The following ACSBG1 variants were observed in gnomAD, a reference collection of about 807,000 sequenced individuals.
ACSBG1 encodes acyl-CoA synthetase bubblegum family member 1, also known as long-chain-fatty-acid--CoA ligase ACSBG1.
Under a neutral mutation model 80.2 loss-of-function variants are expected in ACSBG1, and 39 were observed. The ratio of observed to expected loss-of-function variants is 0.49; its 90% CI spans 0.38 to 0.64. The LOEUF (loss-of-function observed/expected upper bound fraction) is 0.64. ACSBG1 is among the 30% of genes least tolerant of loss of function. ACSBG1 has a pLI of 0.00. For missense variants in ACSBG1, 828 were observed against 966.4 expected (o/e 0.86, Z 1.90); for synonymous variants, 392 against 379.5 (o/e 1.03, Z -0.38).
intron 1 of ACSBG1, among the ~76,000 whole-genome samples, chr15:78,232,214 C>T (rs990103681): frequency 1.3e-5 from 2 of 152,116 alleles, no homozygotes; most frequent in South Asian, 2.1e-4. Context: ...GAAGTTCAGG[C>T]GTTGTATATT....
chr15:78,184,644 T>C (rs533633369), intron 5 of ACSBG1, among the ~76,000 whole-genome samples: 1 of 152,326 alleles, frequency 6.6e-6, no homozygotes, highest in South Asian at 2.1e-4. Flanking sequence ...TTTGAAAAGT[T>C]ATAGAAATAA....
intron 1 of ACSBG1, among the ~76,000 whole-genome samples, chr15:78,215,727 A>AAAGAAAGAAAGAAAGG (rs1485055185): frequency 0.046 from 2,471 of 53,670 alleles, 65 homozygotes; most frequent in African/African-American, 0.11. Flanking sequence ...AAAGAAAGAG[A>AAAGAAAGAAAGAAAGG]AAGAAAGAAA....
At chr15:78,192,037 A>G (rs1483484897) in intron 5 of ACSBG1, among the ~76,000 whole-genome samples, 1 of 152,110 alleles carries the variant, frequency 6.6e-6, no homozygotes. Context: ...CCTTATAGAA[A>G]TGGGAAATTT....
intron 1 of ACSBG1, among the ~76,000 whole-genome samples, chr15:78,215,755 A>AAAGAAAGG (rs1491460113): frequency 1.2e-4 from 18 of 149,620 alleles, no homozygotes; most frequent in Non-Finnish European, 2.2e-4. Flanking sequence ...AGAAAGAAAG[A>AAAGAAAGG]AAGAAAGAAA....
chr15:78,228,035 GATGC>G (rs1227487443), intron 1 of ACSBG1, among the ~76,000 whole-genome samples: 2 of 152,176 alleles, frequency 1.3e-5, no homozygotes, highest in African/African-American at 4.8e-5. Context: ...TGGGATTATA[GATGC>G]ATGCACCTCC....
chr15:78,201,909 G>A (rs987087822), intron 2 of ACSBG1, among the ~76,000 whole-genome samples: 2 of 152,186 alleles, frequency 1.3e-5, no homozygotes, highest in Admixed American at 1.3e-4. Context: ...GGCTCATGAA[G>A]TTGCTGTGCA....
intron 2 of ACSBG1, among the ~76,000 whole-genome samples, chr15:78,201,831 G>A (rs2075171107): frequency 6.6e-6 from 1 of 152,218 alleles, no homozygotes; most frequent in Non-Finnish European, 1.5e-5. Flanking sequence ...CACAGCTGTT[G>A]AGCCTTGGAC....
intron 1 of ACSBG1, among the ~76,000 whole-genome samples, chr15:78,222,214 T>C (rs2075364539): frequency 6.6e-6 from 1 of 152,230 alleles, no homozygotes; most frequent in Non-Finnish European, 1.5e-5. Flanking sequence ...TATATTGTAT[T>C]AGTCCACTTA....
intron 5 of ACSBG1, chr15:78,183,002 A>G: frequency 1.7e-6 from 1 of 583,546 alleles, no homozygotes; most frequent in South Asian, 2.1e-5. Flanking sequence ...ACTGGGGATG[A>G]CTCCCCATTG....
rs748375205 is a variant in ACSBG1 at position 78,194,030 on chromosome 15, A to G, written c.454-10T>C. The G allele has an allele frequency of 4.3e-6, 7 of 1,613,820 alleles. No individual in the cohort carries two copies. The East Asian group carries it at 1.3e-4, about 31-fold the overall frequency. Reference sequence around the variant, plus strand: ...CCTGCTTCAGGCCGAGCTCCAGGTCAAAGGCAGACAGGCCAGGTCAGCCGG... The same window carrying G: ...CCTGCTTCAGGCCGAGCTCCAGGTCGAAGGCAGACAGGCCAGGTCAGCCGG... On this transcript the variant is annotated splice_polypyrimidine_tract_variant and intron_variant, in intron 3 of 13. Coordinates refer to ENST00000258873, the MANE Select transcript of ACSBG1 (RefSeq NM_015162.5).
intron 1 of ACSBG1, among the ~76,000 whole-genome samples, 175 bp from the exon 2 acceptor site, chr15:78,208,277 A>G (rs1340710249): frequency 1.3e-5 from 2 of 152,124 alleles, no homozygotes; most frequent in Non-Finnish European, 2.9e-5. Context: ...TCAGGGGACA[A>G]GACCTCAGTG....
chr15:78,195,862 C>T (rs2075109150), intron 2 of ACSBG1, among the ~76,000 whole-genome samples: 1 of 152,120 alleles, frequency 6.6e-6, no homozygotes, highest in South Asian at 2.1e-4. Flanking sequence ...CTCGCCTATT[C>T]TCCTGTCACC....
At chr15:78,184,154 G>A (rs2074976662) in intron 5 of ACSBG1, among the ~76,000 whole-genome samples, 1 of 152,080 alleles carries the variant, frequency 6.6e-6, no homozygotes, top group South Asian at 2.1e-4. Context: ...CAAATTCTAT[G>A]CAATAGTCTT....
At chr15:78,209,515 G>T (rs1191253192) in intron 1 of ACSBG1, among the ~76,000 whole-genome samples, 1 of 152,198 alleles carries the variant, frequency 6.6e-6, no homozygotes, top group Non-Finnish European at 1.5e-5. Flanking sequence ...TGCAGAACTC[G>T]TCCTACTGAC....
At chr15:78,225,615 C>T (rs2141389744) in intron 1 of ACSBG1, among the ~76,000 whole-genome samples, 1 of 151,838 alleles carries the variant, frequency 6.6e-6, no homozygotes, top group South Asian at 2.1e-4. Flanking sequence ...AGATGATTCA[C>T]CCAATTTGAA....
chr15:78,182,253 G>A (rs566013522), intron 7 of ACSBG1, 108 bp from the exon 8 acceptor site: 809 of 1,422,922 alleles, frequency 5.7e-4, no homozygotes, highest in Middle Eastern at 1.8e-3. Flanking sequence ...CCCCTGTGGC[G>A]ATTCTGCAGG....
chr15:78,183,608 T>G (rs2074971308), intron 5 of ACSBG1, among the ~76,000 whole-genome samples: 1 of 152,196 alleles, frequency 6.6e-6, no homozygotes, highest in Non-Finnish European at 1.5e-5. Context: ...AACCAAAACC[T>G]GATTGAATTC....
chr15:78,219,602 T>A (rs529775706), intron 1 of ACSBG1, among the ~76,000 whole-genome samples: 1 of 152,284 alleles, frequency 6.6e-6, no homozygotes, highest in East Asian at 1.9e-4. Flanking sequence ...CTCTCCAAAT[T>A]TAACCACAGG....
chr15:78,234,330 G>A, intron 1 of ACSBG1, 41 bp downstream of exon 1: 1 of 1,599,532 alleles, frequency 6.3e-7, no homozygotes, highest in Non-Finnish European at 8.5e-7. Flanking sequence ...CTAGAACTCG[G>A]CCCACAGGTG....
Sources: allele counts gnomAD v4.1 joint callset (sites outside exome capture counted in the v4.1 genomes callset), GRCh38; gene constraint gnomAD v4.1.1; transcripts MANE v1.5; gene names NCBI Gene and HGNC (gene_info 2026-07-23, HGNC 2026-07-21).